ERC2: variants seen among roughly 807,000 people sequenced by gnomAD.
ERC2 encodes ELKS/RAB6-interacting/CAST family member 2.
ERC2 carries 42 observed loss-of-function variants against 114.8 expected under a neutral mutation model. That is an observed-to-expected ratio of 0.37 (90% CI 0.29 to 0.47). The LOEUF (loss-of-function observed/expected upper bound fraction) is 0.47, where lower values mean the gene tolerates loss of function less well. Ranked by LOEUF, ERC2 falls within the 20% of genes least tolerant of loss-of-function variation. The pLI, the probability that ERC2 is intolerant of heterozygous loss-of-function variation, is 0.99. For synonymous variants in ERC2, 454 were observed against 425.5 expected, an observed-to-expected ratio of 1.07 and a Z score of -0.82; for missense variants, 939 against 1,150.7, an observed-to-expected ratio of 0.82 and a Z score of 2.66.
At chr3:56,097,847 A>C (rs1039663979) in intron 6 of ERC2, among the ~76,000 whole-genome samples, 6 of 152,240 alleles carry the variant, frequency 3.9e-5, no homozygotes, top group Non-Finnish European at 8.8e-5. Flanking sequence ...AAACCTGGTC[A>C]CTAGGCATTT....
intron 2 of ERC2, among the ~76,000 whole-genome samples, chr3:56,339,933 C>T (rs2058020418): frequency 6.6e-6 from 1 of 152,142 alleles, no homozygotes; most frequent in Admixed American, 6.5e-5. Flanking sequence ...ACGAGGATAA[C>T]AAGATTAGTC....
intron 6 of ERC2, among the ~76,000 whole-genome samples, chr3:56,132,691 T>C (rs1320137631): frequency 6.6e-6 from 1 of 152,176 alleles, no homozygotes; most frequent in Non-Finnish European, 1.5e-5. Context: ...TGCATCATCA[T>C]AGAAAATTTA....
At chr3:55,884,991 G>T (rs532235756) in intron 14 of ERC2, among the ~76,000 whole-genome samples, 5 of 152,256 alleles carry the variant, frequency 3.3e-5, no homozygotes, top group African/African-American at 1.2e-4. Context: ...CAACCAGAGA[G>T]TGATGTTTAA....
chr3:56,024,363 G>A (rs1489501581), intron 7 of ERC2, among the ~76,000 whole-genome samples: 1 of 152,326 alleles, frequency 6.6e-6, no homozygotes, highest in East Asian at 1.9e-4. Flanking sequence ...ACCCAACTGT[G>A]TTGGCAATAC....
chr3:55,642,274 G>A (rs564458391), intron 17 of ERC2, among the ~76,000 whole-genome samples: 3 of 151,674 alleles, frequency 2.0e-5, no homozygotes, highest in South Asian at 2.1e-4. Flanking sequence ...CTGCACATTC[G>A]CCCAGATTTT....
intron 17 of ERC2, among the ~76,000 whole-genome samples, chr3:55,552,540 T>C (rs1258442992): frequency 3.3e-5 from 5 of 151,388 alleles, no homozygotes; most frequent in African/African-American, 7.3e-5. Context: ...GAGTGAATCA[T>C]GGAAAAAATG....
intron 5 of ERC2, 103 bp downstream of exon 5, chr3:56,148,874 T>C: frequency 9.8e-7 from 1 of 1,016,112 alleles, no homozygotes; most frequent in Non-Finnish European, 1.4e-6. Context: ...TTAAATAATA[T>C]CACATAAAGC....
intron 13 of ERC2, among the ~76,000 whole-genome samples, chr3:55,919,682 A>G (rs1208376014): frequency 6.6e-6 from 1 of 152,176 alleles, no homozygotes; most frequent in Non-Finnish European, 1.5e-5. Flanking sequence ...GAAGAGTGCT[A>G]AAGAGAATAA....
intron 4 of ERC2, among the ~76,000 whole-genome samples, chr3:56,154,956 A>G (rs945389459): frequency 6.6e-6 from 1 of 152,182 alleles, no homozygotes; most frequent in Admixed American, 6.5e-5. Context: ...ATCCTGTTAA[A>G]CTTTCTGAGC....
intron 6 of ERC2, among the ~76,000 whole-genome samples, chr3:56,132,422 GAA>G (rs2080255834): frequency 6.6e-6 from 1 of 152,200 alleles, no homozygotes; most frequent in Admixed American, 6.5e-5. Context: ...CTCAGAGACA[GAA>G]AAATGCTGCC....
chr3:55,687,910 G>A (rs1202048990), intron 16 of ERC2, among the ~76,000 whole-genome samples: 1 of 152,182 alleles, frequency 6.6e-6, no homozygotes, highest in Non-Finnish European at 1.5e-5. Flanking sequence ...TGCAAATGTG[G>A]GGCACCGAGC....
intron 14 of ERC2, among the ~76,000 whole-genome samples, chr3:55,782,056 G>A (rs1378340436): frequency 6.6e-6 from 1 of 152,138 alleles, no homozygotes; most frequent in African/African-American, 2.4e-5. Context: ...CCACCAGGGT[G>A]TACCACACAG....
intron 7 of ERC2, among the ~76,000 whole-genome samples, chr3:56,029,953 T>C (rs2074278827): frequency 6.6e-6 from 1 of 152,130 alleles, no homozygotes; most frequent in Admixed American, 6.5e-5. Flanking sequence ...AAGCATCCAA[T>C]GCTTACATTT....
At chr3:55,741,035 T>C (rs370985710) in intron 14 of ERC2, among the ~76,000 whole-genome samples, 30 of 152,338 alleles carry the variant, frequency 2.0e-4, no homozygotes, top group East Asian at 1.2e-3. Context: ...AGATGAGGGA[T>C]ACTCAACCTG....
chr3:56,371,064 T>C (rs1479596381), intron 2 of ERC2, among the ~76,000 whole-genome samples: 1 of 152,238 alleles, frequency 6.6e-6, no homozygotes, highest in Non-Finnish European at 1.5e-5. Context: ...TACGGAGACA[T>C]CTGGATAATT....
intron 4 of ERC2, among the ~76,000 whole-genome samples, chr3:56,162,184 T>C (rs1461051130): frequency 2.0e-5 from 3 of 152,202 alleles, no homozygotes; most frequent in African/African-American, 7.2e-5. Flanking sequence ...GTTGAACACA[T>C]TTATTGATTT....
intron 14 of ERC2, among the ~76,000 whole-genome samples, chr3:55,738,338 G>A (rs75372347): frequency 0.019 from 2,869 of 152,260 alleles, 38 homozygotes; most frequent in Middle Eastern, 0.031. Flanking sequence ...GTGACAGGAT[G>A]AATAAGACAT....
intron 12 of ERC2, 37 bp from the exon 13 acceptor site, chr3:55,950,597 A>G: frequency 6.2e-7 from 1 of 1,612,080 alleles, no homozygotes; most frequent in Middle Eastern, 1.7e-4. Flanking sequence ...AAATTCTACC[A>G]CTGGAAGATC....
intron 13 of ERC2, among the ~76,000 whole-genome samples, chr3:55,915,641 C>A (rs1042550880): frequency 6.6e-6 from 1 of 152,132 alleles, no homozygotes; most frequent in African/African-American, 2.4e-5. Context: ...ATACACCTGA[C>A]AAGTAATAGC....
Sources: gnomAD v4.1 joint callset for allele counts (sites outside exome capture counted in the v4.1 genomes callset) on GRCh38, gnomAD v4.1.1 for gene constraint, MANE v1.5 for transcripts, NCBI Gene and HGNC (gene_info 2026-07-23, HGNC 2026-07-21) for gene names.